BCAR1: variants seen among roughly 807,000 people sequenced by gnomAD.
BCAR1 encodes BCAR1 scaffold protein, Cas family member.
BCAR1 carries 30 observed loss-of-function variants against 67.6 expected under a neutral mutation model. The ratio of observed to expected loss-of-function variants is 0.44; its 90% CI spans 0.33 to 0.60. The LOEUF (loss-of-function observed/expected upper bound fraction) is 0.60. Ranked by LOEUF, BCAR1 falls within the 20% of genes least tolerant of loss-of-function variation. BCAR1 has a pLI of 0.02. For synonymous variants in BCAR1, 626 were observed against 556.7 expected, an observed-to-expected ratio of 1.12 and a Z score of -1.75; for missense variants, 1,313 against 1,222.3, an observed-to-expected ratio of 1.07 and a Z score of -1.11.
At position 75,236,948 on chromosome 16, in the gene BCAR1, C is replaced by T. The variant is rs755655391; in HGVS notation, c.846G>A (p.Pro282=). The T allele has an allele frequency of 8.7e-6, 14 of 1,612,020 alleles. No homozygotes were observed. The highest frequency in any genetic ancestry group is 4.5e-5 in the East Asian group (2 of 44,848). ...GGGGCACGTCATACACCTCCAGCAA[C>T]GGGTCTCGGCCATTGGGACCCTTGA... ...MAVKGPNGRD[P]LLEVYDVPPS... Residue 282 remains proline, a synonymous_variant, in exon 4 of 7, where the codon CCG becomes CCA. Transcript: ENST00000162330.
intron 1 of BCAR1, chr16:75,267,830 C>T (rs2078029435): frequency 7.0e-7 from 1 of 1,433,076 alleles, no homozygotes; most frequent in Non-Finnish European, 9.6e-7. Context: ...CTGCCTCTTA[C>T]CGCCCCAGGG....
chr16:75,266,884 C>A, intron 1 of BCAR1: 1 of 973,894 alleles, frequency 1.0e-6, no homozygotes, highest in Non-Finnish European at 1.3e-6. Context: ...TTTGCCGCAG[C>A]CCGGGCTCAT....
At chr16:75,242,368 C>A in intron 2 of BCAR1, 102 bp downstream of exon 2, 1 of 1,318,308 alleles carries the variant, frequency 7.6e-7, no homozygotes. Flanking sequence ...ACAGCCACTC[C>A]TGGAATGCCG....
chr16:75,242,054 G>T (rs1046344845), intron 2 of BCAR1, among the ~76,000 whole-genome samples: 3 of 152,196 alleles, frequency 2.0e-5, no homozygotes, highest in African/African-American at 7.2e-5. Context: ...GCGGCCAGAA[G>T]ATGTGCCGGA....
intron 2 of BCAR1, chr16:75,238,571 C>T: frequency 3.0e-6 from 3 of 988,962 alleles, no homozygotes; most frequent in Non-Finnish European, 3.6e-6. Context: ...CCAGCACCCC[C>T]CAGCAGCCGC....
chr16:75,248,185 C>A (rs2077577206), intron 1 of BCAR1: 7 of 1,572,194 alleles, frequency 4.5e-6, no homozygotes, highest in Middle Eastern at 3.4e-4. Context: ...TTTATCTCCA[C>A]CGAGGGGTGA....
At position 75,238,600 on chromosome 16, in the gene BCAR1, C is replaced by T. The variant is rs567451419; in HGVS notation, c.634-1256G>A. 4.5e-4 allele frequency: 449 copies of T among 988,940 alleles called. 1 individual carries two copies. The African/African-American group carries it at 7.3e-3, about 16-fold the overall frequency. 61.3% of individuals were successfully genotyped at this position (988,940 alleles called of 1,614,324 possible). On this transcript the variant is annotated intron_variant, in intron 2 of 6. Transcript: ENST00000162330. ...CAGCCGCAGGCCTGGCAGAGCCCCC[C>T]GCAGCGCAGCAGAACTGGGCCCACT...
chr16:75,267,725 G>A (rs1015161745), intron 1 of BCAR1, among the ~76,000 whole-genome samples: 8 of 152,124 alleles, frequency 5.3e-5, no homozygotes, highest in Admixed American at 2.0e-4. Context: ...TGGGGCGGGC[G>A]GTGGAGAAAG....
intron 2 of BCAR1, chr16:75,238,295 A>G: frequency 8.7e-7 from 1 of 1,151,716 alleles, no homozygotes; most frequent in Non-Finnish European, 1.1e-6. Context: ...CCCCGGGCAC[A>G]CTGCGCCCAC....
rs1031406361 is a variant in BCAR1, at chr16:75,266,081, C to T, written c.66+1834G>A. ...TAAAGGTGAGGACCCCGGACCTAGG[C>T]CTTTTTCTGTCGGCCCAACGCGGCG... On this transcript the variant is annotated intron_variant, in intron 1 of 6. Transcript: ENST00000393422. 1.5e-4 allele frequency: 150 copies of T among 1,005,016 alleles called. 1 individual carries two copies. The African/African-American group carries it at 2.2e-3, about 15-fold the overall frequency. 62.3% of individuals were successfully genotyped at this position (1,005,016 alleles called of 1,614,324 possible).
In BCAR1 at chr16:75,251,508, GCT is replaced by G; in HGVS notation, c.-28_-27del. On this transcript the variant is annotated 5_prime_UTR_variant, in exon 1 of 7. Coordinates refer to ENST00000162330, the MANE Select transcript of BCAR1 (RefSeq NM_014567.5). ...GGTGTCCGGCGGGCCTGGGGCCCCGGCTCTCGCGGGGGCGCACACCGAGCTGC... is the reference window on the plus strand; with the variant it reads ...GGTGTCCGGCGGGCCTGGGGCCCCGGCTCGCGGGGGCGCACACCGAGCTGC... 1.5e-6 allele frequency: 2 copies of G among 1,331,454 alleles called. No individual in the cohort carries two copies. The highest frequency in any genetic ancestry group is 9.6e-7 in the Non-Finnish European group (1 of 1,038,212). The allele number at this position is 1,331,454 out of a possible 1,614,324, so 82.5% of individuals were successfully genotyped here. A position where few individuals can be genotyped will look rare whatever the true frequency, so the allele number is the denominator to read the frequency against.
rs755536298 is a variant in BCAR1, at chr16:75,229,943, G to A, written c.2181C>T (p.Pro727=). Reference sequence around the variant, plus strand: ...GGCCGCCTGTTCGCCCCGGGGCCAGGGGTTGGGCTGGCGTCCAGTTGGCCA... The same window carrying A: ...GGCCGCCTGTTCGCCCCGGGGCCAGAGGTTGGGCTGGCGTCCAGTTGGCCA... The part of the protein sequence containing the change: ...HDLANWTPAQ[P]LAPGRTGGLG... Residue 727 remains proline, a synonymous_variant, in exon 7 of 7, where the codon CCC becomes CCT. Transcript: ENST00000162330. 5 of 1,601,582 alleles carry A rather than the reference G, an allele frequency of 3.1e-6. No homozygotes were observed. Among genetic ancestry groups the A allele is most frequent in the Admixed American group, 3.4e-5 (2 of 59,380 alleles).
chr16:75,236,810 G>C (rs779438705), intron 4 of BCAR1, 72 bp downstream of exon 4: 1 of 1,546,480 alleles, frequency 6.5e-7, no homozygotes, highest in Non-Finnish European at 8.7e-7. Context: ...ACACTGGTCA[G>C]CACCCCTGTG....
At chr16:75,260,742 G>A (rs534888508) in intron 1 of BCAR1, among the ~76,000 whole-genome samples, 3 of 92,400 alleles carry the variant, frequency 3.2e-5, no homozygotes, top group East Asian at 7.7e-4. Context: ...ATAAAACAAA[G>A]CAAAGAAAAA....
exon 1 of BCAR1, chr16:75,267,945 G>T: frequency 1.2e-6 from 2 of 1,603,462 alleles, no homozygotes; most frequent in Admixed American, 1.7e-5. Context: ...GTGTGGGCCT[G>T]GGGGCAGCCA....
chr16:75,234,051 GCACACACACGCACACGTGGACGCA>G (rs1185704134), intron 5 of BCAR1, 116 bp from the exon 6 acceptor site: 11 of 849,416 alleles, frequency 1.3e-5, no homozygotes, highest in African/African-American at 1.2e-4. Flanking sequence ...GCGTGTGCGC[GCACACACACGCACACGTGGACGCA>G]CACACACACT....
At chr16:75,252,347 T>C (rs1184868002), upstream of BCAR1, 61 of 1,532,236 alleles carry the variant, frequency 4.0e-5, no homozygotes, top group Non-Finnish European at 1.8e-5. Flanking sequence ...AGTACCCTCC[T>C]GAGTCCTGCT....
chr16:75,246,727 C>G (rs1005631182), intron 1 of BCAR1: 3 of 152,430 alleles, frequency 2.0e-5, no homozygotes, highest in African/African-American at 7.2e-5. Context: ...CATTCCTGCT[C>G]TGGACATGCT....
chr16:75,234,875 C>T lies in BCAR1; in HGVS notation c.2010+14G>A. The T allele has an allele frequency of 6.6e-7, 1 of 1,521,492 alleles. No homozygotes were observed. The highest frequency in any genetic ancestry group is 8.8e-7 in the Non-Finnish European group (1 of 1,133,182). 94.2% of individuals were successfully genotyped at this position (1,521,492 alleles called of 1,614,324 possible). A position where few individuals can be genotyped will look rare whatever the true frequency, so the allele number is the denominator to read the frequency against. ...TGGCAGAAGAGGAGCCGGGGCTGGG[C>T]AGGCGGCACCCACCTGTAGGTGGAC... On this transcript the variant is annotated intron_variant, in intron 5 of 6. Transcript: ENST00000162330.
Sources: allele counts gnomAD v4.1 joint callset (sites outside exome capture counted in the v4.1 genomes callset), GRCh38; gene constraint gnomAD v4.1.1; transcripts MANE v1.5; gene names NCBI Gene and HGNC (gene_info 2026-07-23, HGNC 2026-07-21).